Variants in FRS2 observed in about 807,000 individuals in gnomAD.
The protein encoded by FRS2 is FGFR signalling adaptor.
Under a neutral mutation model 43.9 loss-of-function variants are expected in FRS2, and 8 were observed. The observed-to-expected ratio is 0.18, with a 90% confidence interval of 0.11 to 0.33. The LOEUF is 0.33. Among genes scored for constraint, FRS2 ranks in the 10% least tolerant of loss-of-function variants. FRS2 has a pLI of 1.00. For missense variants in FRS2, 534 were observed against 627.6 expected (o/e 0.85, Z 1.59); for synonymous variants, 219 against 220.3 (o/e 0.99, Z 0.05).
intron 3 of FRS2, among the ~76,000 whole-genome samples, chr12:69,544,428 A>G (rs1656350044): frequency 6.6e-6 from 1 of 152,184 alleles, no homozygotes; most frequent in African/African-American, 2.4e-5. Flanking sequence ...AAAAGGAGCC[A>G]GGTGCAGTGG....
At chr12:69,557,617 T>TGCGCGCGCGCGC (rs1377444472) in intron 3 of FRS2, among the ~76,000 whole-genome samples, 2 of 117,040 alleles carry the variant, frequency 1.7e-5, no homozygotes, top group African/African-American at 3.9e-5. Context: ...TGTGTGTGTG[T>TGCGCGCGCGCGC]GTGCGCGCGC....
At chr12:69,517,095 A>G (rs1450259296) in intron 1 of FRS2, among the ~76,000 whole-genome samples, 2 of 152,110 alleles carry the variant, frequency 1.3e-5, no homozygotes, top group Non-Finnish European at 2.9e-5. Context: ...CATCCTCCAC[A>G]AGGGAAAAAA....
In FRS2 at chr12:69,577,713, T is replaced by C. The variant is rs1278062965; in HGVS notation, c.*2758T>C. 6.6e-6 allele frequency: 1 copy of C among 152,626 alleles called. No homozygotes were observed. The highest frequency in any genetic ancestry group is 2.4e-5 in the African/African-American group (1 of 41,452). The allele number at this position is 152,626 out of a possible 1,614,324, so 9.5% of individuals were successfully genotyped here. ...TAGTGTGTTTTATTTCCCAGTTTCA[T>C]CTTCTTCTAAAAATGAAAATATGGT... On this transcript the variant is annotated 3_prime_UTR_variant, in exon 9 of 9. Coordinates refer to ENST00000549921, the MANE Select transcript of FRS2 (RefSeq NM_001278356.2).
In FRS2 at chr12:69,575,021, A is replaced by C. The variant is rs1244563246; in HGVS notation, c.*66A>C. 9.6e-7 allele frequency: 1 copy of C among 1,041,218 alleles called. No homozygotes were observed. The highest frequency in any genetic ancestry group is 1.4e-6 in the Non-Finnish European group (1 of 690,352). 64.5% of individuals were successfully genotyped at this position (1,041,218 alleles called of 1,614,324 possible). A position where few individuals can be genotyped will look rare whatever the true frequency, so the allele number is the denominator to read the frequency against. Reference sequence around the variant, plus strand: ...TTAAAAATGAAGATGCAAGTGCTTCATTTTCATTTCTAAACACTAACTCCT... The same window carrying C: ...TTAAAAATGAAGATGCAAGTGCTTCCTTTTCATTTCTAAACACTAACTCCT... On this transcript the variant is annotated 3_prime_UTR_variant, in exon 9 of 9. Coordinates refer to ENST00000549921, the MANE Select transcript of FRS2 (RefSeq NM_001278356.2).
At chr12:69,573,901 A>T in intron 8 of FRS2, 104 bp from the exon 9 acceptor site, 1 of 698,464 alleles carries the variant, frequency 1.4e-6, no homozygotes, top group Non-Finnish European at 2.4e-6. Flanking sequence ...AGAGAAAGTT[A>T]ATACAGTTAA....
At chr12:69,487,191 C>T (rs1322873680) in intron 1 of FRS2, among the ~76,000 whole-genome samples, 1 of 152,188 alleles carries the variant, frequency 6.6e-6, no homozygotes, top group Non-Finnish European at 1.5e-5. Flanking sequence ...ATGAAGGTGG[C>T]TACCCTGAAC....
intron 1 of FRS2, among the ~76,000 whole-genome samples, 157 bp from the exon 2 acceptor site, chr12:69,530,708 G>A (rs939498500): frequency 3.5e-4 from 54 of 152,118 alleles, no homozygotes; most frequent in Admixed American, 2.4e-3. Flanking sequence ...GTGCCACTGC[G>A]CTTCAGCCTG....
At chr12:69,476,383 TG>T (rs989430248) in intron 1 of FRS2, among the ~76,000 whole-genome samples, 13 of 152,184 alleles carry the variant, frequency 8.5e-5, no homozygotes, top group African/African-American at 3.1e-4. Flanking sequence ...GGGCGCTGCC[TG>T]GGGGTGCTGC....
intron 1 of FRS2, among the ~76,000 whole-genome samples, chr12:69,528,286 G>T (rs1294877797): frequency 6.6e-6 from 1 of 152,218 alleles, no homozygotes; most frequent in African/African-American, 2.4e-5. Flanking sequence ...GTTTAGTCAT[G>T]TTAAGAGTTA....
At chr12:69,530,512 G>A (rs939529491) in intron 1 of FRS2, among the ~76,000 whole-genome samples, 11 of 152,188 alleles carry the variant, frequency 7.2e-5, no homozygotes, top group African/African-American at 2.7e-4. Flanking sequence ...GCTGAGATGG[G>A]AGGATTGCTT....
At chr12:69,514,293 C>T (rs759932014) in intron 1 of FRS2, among the ~76,000 whole-genome samples, 15 of 152,168 alleles carry the variant, frequency 9.9e-5, no homozygotes, top group Non-Finnish European at 2.2e-4. Context: ...CATCTAGAGA[C>T]AGACGGATGG....
At chr12:69,485,821 A>AT (rs1342023773) in intron 1 of FRS2, among the ~76,000 whole-genome samples, 3 of 151,858 alleles carry the variant, frequency 2.0e-5, no homozygotes, top group South Asian at 2.1e-4. Flanking sequence ...ACTTAAGTGC[A>AT]TTTTTTTTCA....
chr12:69,503,436 A>T (rs748347774), intron 1 of FRS2, among the ~76,000 whole-genome samples: 2 of 152,130 alleles, frequency 1.3e-5, no homozygotes, highest in Non-Finnish European at 2.9e-5. Flanking sequence ...TCATAGTCCT[A>T]GAGATTTTAC....
chr12:69,545,171 A>G (rs1233736137), intron 3 of FRS2, among the ~76,000 whole-genome samples: 1 of 152,208 alleles, frequency 6.6e-6, no homozygotes, highest in Non-Finnish European at 1.5e-5. Flanking sequence ...TCTGATTTTC[A>G]TGGATTGGAA....
chr12:69,569,178 G>T (rs1880544724), intron 5 of FRS2, 82 bp downstream of exon 5: 7 of 770,830 alleles, frequency 9.1e-6, no homozygotes, highest in South Asian at 1.7e-5. Context: ...TCTTATTTCT[G>T]GCTTTTATCA....
chr12:69,543,476 T>A (rs1010120051), intron 3 of FRS2, among the ~76,000 whole-genome samples: 1 of 152,140 alleles, frequency 6.6e-6, no homozygotes, highest in African/African-American at 2.4e-5. Context: ...GAGTTTACGT[T>A]TTGTGGTGGC....
rs1881062874 is a variant in FRS2 at position 69,574,700 on chromosome 12, C to G, written c.1272C>G (p.Ile424Met). 6.2e-7 allele frequency: 1 copy of G among 1,614,122 alleles called. No individual in the cohort carries two copies. Among genetic ancestry groups the G allele is most frequent in the South Asian group, 1.1e-5 (1 of 91,084 alleles). ...CACCAACAGTCTTTAACTTTGATAT[C>G]AGACGCCCAAGTTTAGAACACAGGC... is the stretch of plus-strand genomic sequence containing the variant. The part of the protein sequence containing the change: ...DCTPTVFNFD[I>M]RRPSLEHRQL... Residue 424 changes from isoleucine (I) to methionine (M), a missense_variant, in exon 9 of 9, where the codon ATC becomes ATG. Ile to Met is a conservative substitution (Grantham distance 10, BLOSUM62 1). Transcript: ENST00000549921.
At chr12:69,525,195 T>G (rs997468649) in intron 1 of FRS2, among the ~76,000 whole-genome samples, 2 of 145,184 alleles carry the variant, frequency 1.4e-5, no homozygotes, top group East Asian at 1.9e-4. Context: ...TAATATTGTT[T>G]TTTTTTTTTT....
At chr12:69,500,912 C>G (rs1873379111) in intron 1 of FRS2, among the ~76,000 whole-genome samples, 1 of 152,164 alleles carries the variant, frequency 6.6e-6, no homozygotes, top group South Asian at 2.1e-4. Flanking sequence ...TTTTGTTATC[C>G]TTAAAATGAA....
Sources: gnomAD v4.1 joint callset for allele counts (sites outside exome capture counted in the v4.1 genomes callset) on GRCh38, gnomAD v4.1.1 for gene constraint, MANE v1.5 for transcripts, NCBI Gene and HGNC (gene_info 2026-07-23, HGNC 2026-07-21) for gene names.